The following PTPRE variants were observed in gnomAD, a reference collection of about 807,000 sequenced individuals.
The protein encoded by PTPRE is protein tyrosine phosphatase receptor type E, also known as receptor-type tyrosine-protein phosphatase epsilon.
A neutral mutation model predicts 102.0 loss-of-function variants in PTPRE; 51 were observed. That is an observed-to-expected ratio of 0.50 (90% CI 0.40 to 0.63). PTPRE has a LOEUF of 0.63. Among genes scored for constraint, PTPRE ranks in the 30% least tolerant of loss-of-function variants. The pLI, the probability that PTPRE is intolerant of heterozygous loss-of-function variation, is 0.00. For synonymous variants in PTPRE, 345 were observed against 348.2 expected (o/e 0.99, Z 0.10); for missense variants, 752 against 915.1 (o/e 0.82, Z 2.30).
At chr10:127,925,157 T>A (rs189063989) in intron 1 of PTPRE, among the ~76,000 whole-genome samples, 1 of 152,328 alleles carries the variant, frequency 6.6e-6, no homozygotes, top group East Asian at 1.9e-4. Context: ...CAGGAGGCCT[T>A]CAGTCCTTGC....
At position 128,040,893 on chromosome 10, in the gene PTPRE, G is replaced by T. The variant is rs374843074; in HGVS notation, c.12G>T (p.Leu4Phe). 1.5e-5 allele frequency: 24 copies of T among 1,613,892 alleles called. No homozygotes were observed. Among genetic ancestry groups the T allele is most frequent in the Non-Finnish European group, 1.9e-5 (23 of 1,179,986 alleles). ...TCTGCAGGTCCACCATGGAGCCCTTGTGTCCACTCCTGCTGGTGGGTTTTA... is the reference window on the plus strand; with the variant it reads ...TCTGCAGGTCCACCATGGAGCCCTTTTGTCCACTCCTGCTGGTGGGTTTTA... MEP[L>F]CPLLLVGFSL... The change falls in exon 3 of 21, where the codon TTG (leucine) becomes TTT (phenylalanine). Residue 4 changes from leucine (L) to phenylalanine (F), a missense_variant. By Grantham distance (22) the Leu-to-Phe change is conservative. Transcript: ENST00000254667.
chr10:128,015,177 G>A (rs759603528), intron 2 of PTPRE, among the ~76,000 whole-genome samples: 3 of 152,100 alleles, frequency 2.0e-5, no homozygotes, highest in Non-Finnish European at 2.9e-5. Flanking sequence ...TCATAGCAAA[G>A]ACCTGTACCC....
chr10:128,033,199 T>C (rs1846919257), intron 2 of PTPRE, among the ~76,000 whole-genome samples: 1 of 152,210 alleles, frequency 6.6e-6, no homozygotes. Context: ...AAAGCATGAC[T>C]TTTCACTTAG....
Position 127,944,576 on chromosome 10 carries a change from A to T in PTPRE, c.-31+37267A>T, listed in dbSNP as rs1848500626. Among the ~76,000 whole-genome samples the T allele has an allele frequency of 6.6e-6, 1 of 152,128 alleles. No individual in the cohort carries two copies. Among genetic ancestry groups the T allele is most frequent in the Admixed American group, 6.6e-5 (1 of 15,266 alleles). On this transcript the variant is annotated intron_variant, in intron 1 of 20. Transcript: ENST00000254667. The surrounding 1 kb of genome is among the most constrained non-coding windows in gnomAD (Gnocchi z 4.2). Reference sequence around the variant, plus strand: ...GATGGATGGATGGGTGGATAGATGGATGGATAGGTTAGTGAGGTTAGAAAA... The same window carrying T: ...GATGGATGGATGGGTGGATAGATGGTTGGATAGGTTAGTGAGGTTAGAAAA...
chr10:128,005,301 C>T (rs570375173), intron 2 of PTPRE, among the ~76,000 whole-genome samples: 7 of 152,194 alleles, frequency 4.6e-5, no homozygotes, highest in Non-Finnish European at 1.0e-4. Context: ...AGACTCCTTC[C>T]TCTCTTCGTT....
At chr10:127,915,836 A>G (rs1412686147) in intron 1 of PTPRE, among the ~76,000 whole-genome samples, 2 of 152,164 alleles carry the variant, frequency 1.3e-5, no homozygotes, top group Non-Finnish European at 2.9e-5. Context: ...TGATGGTTTT[A>G]TTATAGTTTC....
intron 2 of PTPRE, among the ~76,000 whole-genome samples, chr10:128,021,176 C>T (rs1359859990): frequency 1.3e-5 from 2 of 152,090 alleles, no homozygotes; most frequent in Admixed American, 1.3e-4. Flanking sequence ...ACTACAGACG[C>T]GAGCCACCGC....
chr10:127,942,577 G>A (rs978111446), intron 1 of PTPRE, among the ~76,000 whole-genome samples: 2 of 152,208 alleles, frequency 1.3e-5, no homozygotes, highest in Admixed American at 6.5e-5. Context: ...GCTGCAACAC[G>A]GATGAACCTG....
At chr10:127,920,744 G>A (rs566409137) in intron 1 of PTPRE, among the ~76,000 whole-genome samples, 43 of 152,314 alleles carry the variant, frequency 2.8e-4, no homozygotes, top group African/African-American at 9.4e-4. Flanking sequence ...TATGACTCAA[G>A]TTCAGTCAAG....
At chr10:128,002,120 G>A (rs886601676) in intron 2 of PTPRE, among the ~76,000 whole-genome samples, 4 of 152,172 alleles carry the variant, frequency 2.6e-5, no homozygotes, top group Admixed American at 6.5e-5. Flanking sequence ...GGGGACCTCC[G>A]GGGCAGCCAC....
At chr10:128,020,066 GT>G in intron 2 of PTPRE, among the ~76,000 whole-genome samples, 1 of 152,152 alleles carries the variant, frequency 6.6e-6, no homozygotes, top group Non-Finnish European at 1.5e-5. Context: ...ACGTGTGTGT[GT>G]GTGTGTGTGC....
intron 20 of PTPRE, among the ~76,000 whole-genome samples, chr10:128,081,325 C>CT (rs1007339029): frequency 6.6e-6 from 1 of 152,180 alleles, no homozygotes; most frequent in Admixed American, 6.5e-5. Flanking sequence ...ACTGACATTT[C>CT]AAAGGCCACA....
intron 2 of PTPRE, among the ~76,000 whole-genome samples, chr10:127,983,534 G>A (rs1851812333): frequency 6.6e-6 from 1 of 152,140 alleles, no homozygotes; most frequent in Non-Finnish European, 1.5e-5. Flanking sequence ...GTGTTGGCTG[G>A]TCGATACTGG....
At chr10:127,916,920 C>A (rs1036114689) in intron 1 of PTPRE, among the ~76,000 whole-genome samples, 1 of 152,090 alleles carries the variant, frequency 6.6e-6, no homozygotes, top group African/African-American at 2.4e-5. Context: ...ACCCCTCCCC[C>A]CATCCTGAGG....
intron 10 of PTPRE, 58 bp downstream of exon 10, chr10:128,063,238 G>A: frequency 6.3e-7 from 1 of 1,597,956 alleles, no homozygotes. Flanking sequence ...CTGCCGGGCT[G>A]GGGATGTTCT....
chr10:127,928,915 T>C (rs1353874059), intron 1 of PTPRE, among the ~76,000 whole-genome samples: 1 of 152,228 alleles, frequency 6.6e-6, no homozygotes, highest in African/African-American at 2.4e-5. Context: ...AAAACAAAGA[T>C]TAGCTGTGTA....
chr10:127,940,831 C>T (rs1343948283), intron 1 of PTPRE, among the ~76,000 whole-genome samples: 3 of 152,190 alleles, frequency 2.0e-5, no homozygotes, highest in Non-Finnish European at 4.4e-5. Flanking sequence ...CCTTGACATT[C>T]GTCCCAAGGT....
intron 1 of PTPRE, among the ~76,000 whole-genome samples, chr10:127,948,426 T>A (rs1848782159): frequency 6.6e-6 from 1 of 152,176 alleles, no homozygotes; most frequent in East Asian, 1.9e-4. Context: ...TCTATGCATT[T>A]GGACAGATAT....
At chr10:128,056,875 T>C (rs1420723738) in intron 7 of PTPRE, among the ~76,000 whole-genome samples, 1 of 152,012 alleles carries the variant, frequency 6.6e-6, no homozygotes, top group South Asian at 2.1e-4. Context: ...TTTCACAGCC[T>C]GTCTTGGTGC....
Sources: allele counts gnomAD v4.1 joint callset (sites outside exome capture counted in the v4.1 genomes callset), GRCh38; gene constraint gnomAD v4.1.1; non-coding constraint Gnocchi (gnomAD v3.1); transcripts MANE v1.5; gene names NCBI Gene and HGNC (gene_info 2026-07-23, HGNC 2026-07-21).